Variants in GOSR2 observed in about 807,000 individuals in gnomAD.
GOSR2 encodes 27 kDa Golgi SNARE protein.
A neutral mutation model predicts 27.9 loss-of-function variants in GOSR2; 20 were observed. That is an observed-to-expected ratio of 0.72 (90% confidence interval 0.50 to 1.04). The LOEUF (loss-of-function observed/expected upper bound fraction) is 1.04, where lower values mean the gene tolerates loss of function less well. Ranked by LOEUF, GOSR2 falls within the 50% of genes least tolerant of loss-of-function variation. The pLI is 0.00. For synonymous variants in GOSR2, 91 were observed against 98.8 expected (o/e 0.92, Z 0.47); for missense variants, 261 against 270.5 (o/e 0.97, Z 0.25).
At chr17:46,953,293 C>T (rs866118806) in intron 6 of GOSR2, among the ~76,000 whole-genome samples, 40 of 151,846 alleles carry the variant, frequency 2.6e-4, no homozygotes, top group African/African-American at 8.9e-4. Flanking sequence ...TGAGAACATG[C>T]AGTGTTTGGT....
downstream of GOSR2, among the ~76,000 whole-genome samples, chr17:46,944,851 C>T (rs1003434077): frequency 5.9e-5 from 9 of 152,128 alleles, no homozygotes; most frequent in South Asian, 8.3e-4. Flanking sequence ...CCACCCACCT[C>T]GGCCTCCCAA....
chr17:46,974,617 C>T lies in GOSR2; in HGVS notation c.616-582C>T, dbSNP rs1374912890. On this transcript the variant is annotated intron_variant, in intron 6 of 6. Coordinates refer to the GOSR2 transcript ENST00000640723. ...GGCGTGGTGGCGGGCGCCTGTAGTC[C>T]CAGCTACTCGGGAGGCTGAGGCAGG... is the stretch of plus-strand genomic sequence containing the variant. 2.0e-5 allele frequency among the ~76,000 whole-genome samples: 3 copies of T among 152,048 alleles called. No homozygotes were observed. The East Asian group carries it at 5.8e-4, about 29-fold the overall frequency.
At chr17:46,945,755 A>C (rs1392997291), downstream of GOSR2, among the ~76,000 whole-genome samples, 3 of 152,148 alleles carry the variant, frequency 2.0e-5, no homozygotes, top group Non-Finnish European at 4.4e-5. Context: ...GCAGGGACTG[A>C]GGCAGAAGCT....
chr17:46,966,501 C>T (rs894465981), intron 6 of GOSR2: 9 of 683,264 alleles, frequency 1.3e-5, no homozygotes, highest in Non-Finnish European at 2.4e-5. Flanking sequence ...GTGCACCCCA[C>T]CACACCCGAT....
intron 1 of GOSR2, among the ~76,000 whole-genome samples, chr17:46,929,110 A>G (rs980855447): frequency 1.3e-5 from 2 of 152,168 alleles, no homozygotes; most frequent in Non-Finnish European, 2.9e-5. Flanking sequence ...TTCCTGGTAC[A>G]GGCCAGTGCT....
chr17:46,965,823 G>C (rs2091293802), intron 6 of GOSR2, among the ~76,000 whole-genome samples: 1 of 151,262 alleles, frequency 6.6e-6, no homozygotes, highest in South Asian at 2.1e-4. Context: ...TAGAGGCGGG[G>C]TCTCATTATG....
chr17:46,956,829 C>T (rs1007987382), intron 6 of GOSR2, among the ~76,000 whole-genome samples: 1 of 152,174 alleles, frequency 6.6e-6, no homozygotes, highest in South Asian at 2.1e-4. Context: ...TCCCCTCACT[C>T]CCGCCCCAAG....
At chr17:46,959,851 A>T (rs1303297385) in intron 6 of GOSR2, among the ~76,000 whole-genome samples, 3 of 152,136 alleles carry the variant, frequency 2.0e-5, no homozygotes, top group Non-Finnish European at 4.4e-5. Context: ...ACTGGAGCTG[A>T]CTTTCTTCCC....
At chr17:46,950,177 G>C (rs1413762414) in intron 6 of GOSR2, among the ~76,000 whole-genome samples, 3 of 152,208 alleles carry the variant, frequency 2.0e-5, no homozygotes, top group African/African-American at 7.2e-5. Flanking sequence ...GTCTCTGCAA[G>C]AGTTCACGGG....
At chr17:46,946,282 C>CAAAAAAAAAAAAAAAAAA (rs58163051), downstream of GOSR2, among the ~76,000 whole-genome samples, 1 of 126,686 alleles carries the variant, frequency 7.9e-6, no homozygotes, top group Non-Finnish European at 1.6e-5. Context: ...CTAAAAATAC[C>CAAAAAAAAAAAAAAAAAA]AAAAAAAAAA....
At chr17:46,954,762 C>T (rs918658844) in intron 6 of GOSR2, among the ~76,000 whole-genome samples, 1 of 152,102 alleles carries the variant, frequency 6.6e-6, no homozygotes, top group Non-Finnish European at 1.5e-5. Flanking sequence ...AATTGGATTC[C>T]TAGGTATTTT....
intron 6 of GOSR2, among the ~76,000 whole-genome samples, chr17:46,961,058 C>A (rs1315004055): frequency 2.6e-5 from 4 of 151,752 alleles, no homozygotes; most frequent in Non-Finnish European, 5.9e-5. Flanking sequence ...GAATAAAATA[C>A]TAGACAAAAA....
intron 6 of GOSR2, among the ~76,000 whole-genome samples, chr17:46,949,915 C>T (rs952177305): frequency 2.6e-5 from 4 of 152,170 alleles, no homozygotes; most frequent in African/African-American, 4.8e-5. Flanking sequence ...AGGCCAGACG[C>T]GGGGTGCCTA....
In GOSR2 at chr17:46,940,571, C is replaced by A. The variant is rs1194735899; in HGVS notation, c.*1811C>A. The A allele has an allele frequency of 6.2e-7, 1 of 1,614,156 alleles. No individual in the cohort carries two copies. The highest frequency in any genetic ancestry group is 1.6e-4 in the Middle Eastern group (1 of 6,062). ...GTCCCCCAGGCACCCAAGGATCCTGCCAGACAGCACACTTTGGAGGAAGGT... is the reference window on the plus strand; with the variant it reads ...GTCCCCCAGGCACCCAAGGATCCTGACAGACAGCACACTTTGGAGGAAGGT... On this transcript the variant is annotated 3_prime_UTR_variant, in exon 6 of 6. Transcript: ENST00000640051.
chr17:46,956,114 G>A (rs2090691535), intron 6 of GOSR2, among the ~76,000 whole-genome samples: 1 of 151,978 alleles, frequency 6.6e-6, no homozygotes, highest in African/African-American at 2.4e-5. Flanking sequence ...TTAGCAGGAG[G>A]GTCCATCTTA....
At chr17:46,972,316 TCTC>T (rs957282289) in intron 6 of GOSR2, among the ~76,000 whole-genome samples, 7 of 152,154 alleles carry the variant, frequency 4.6e-5, no homozygotes, top group Non-Finnish European at 7.4e-5. Context: ...CCCCCTTCTT[TCTC>T]CTCCTCCTCC....
At chr17:46,935,889 G>A in intron 5 of GOSR2, 1 of 985,984 alleles carries the variant, frequency 1.0e-6, no homozygotes, top group Non-Finnish European at 1.2e-6. Context: ...CGTGGGTTCT[G>A]TCTGTTATCA....
At chr17:46,942,725 T>C (rs1288020016), downstream of GOSR2, among the ~76,000 whole-genome samples, 1 of 152,220 alleles carries the variant, frequency 6.6e-6, no homozygotes, top group Admixed American at 6.5e-5. Flanking sequence ...CATAGCCCTA[T>C]CTGTGGCTAG....
chr17:46,970,926 A>G (rs1044020300), downstream of GOSR2, among the ~76,000 whole-genome samples: 3 of 152,250 alleles, frequency 2.0e-5, no homozygotes, highest in African/African-American at 7.2e-5. Context: ...AATTCTATCG[A>G]TCCCTCAAAA....
Sources: allele counts gnomAD v4.1 joint callset (sites outside exome capture counted in the v4.1 genomes callset), GRCh38; gene constraint gnomAD v4.1.1; transcripts MANE v1.5; gene names NCBI Gene and HGNC (gene_info 2026-07-23, HGNC 2026-07-21).